GPC3: variants seen among roughly 807,000 people sequenced by gnomAD.
GPC3 encodes the protein glypican 3.
A neutral mutation model predicts 34.4 loss-of-function variants in GPC3; 3 were observed. That is an observed-to-expected ratio of 0.09 (90% CI 0.04 to 0.23). The LOEUF (loss-of-function observed/expected upper bound fraction) is 0.23. Ranked by LOEUF, GPC3 falls within the 10% of genes least tolerant of loss-of-function variation. The pLI is 1.00. For missense variants in GPC3, 351 were observed against 445.6 expected (o/e 0.79, Z 1.91); for synonymous variants, 177 against 174.0 (o/e 1.02, Z -0.13).
chrX:133,536,841 T>C (rs887816828), intron 7 of GPC3, among the ~76,000 whole-genome samples: 7 of 111,185 alleles, frequency 6.3e-5, no homozygotes, highest in Non-Finnish European at 9.4e-5. Flanking sequence ...GGGTTGAGGA[T>C]AGGTAGTTTG....
At chrX:133,757,423 G>C (rs2071736753) in intron 2 of GPC3, among the ~76,000 whole-genome samples, 1 of 111,220 alleles carries the variant, frequency 9.0e-6, no homozygotes, top group Non-Finnish European at 1.9e-5. Flanking sequence ...TCTTTAAATG[G>C]TTCAATAACT....
chrX:133,971,103 A>T (rs1407224963), intron 1 of GPC3, among the ~76,000 whole-genome samples: 1 of 112,180 alleles, frequency 8.9e-6, no homozygotes, highest in Non-Finnish European at 1.9e-5. Flanking sequence ...GGGCTCCCTT[A>T]TCTTCAGAAA....
chrX:133,759,708 A>T (rs771460108), intron 2 of GPC3, among the ~76,000 whole-genome samples: 62 of 112,227 alleles, frequency 5.5e-4, no homozygotes, highest in Non-Finnish European at 9.4e-4. Flanking sequence ...TTTAGCAGTA[A>T]GTTTTTAGAT....
rs779048016 is a variant in GPC3 at position 133,621,307 on chromosome X, G to A, written c.1414-24708C>T. Among the ~76,000 whole-genome samples the A allele has an allele frequency of 7.2e-5, 8 of 111,718 alleles. No individual in the cohort carries two copies. The South Asian group carries it at 1.5e-3, about 21-fold the overall frequency. On this transcript the variant is annotated intron_variant, in intron 6 of 7. Transcript: ENST00000370818. Reference sequence around the variant, plus strand: ...CGGGTTCATCTCACTGGGGCTTTTCGGACAGTGGTTGCAGTCCACGGAGCG... The same window carrying A: ...CGGGTTCATCTCACTGGGGCTTTTCAGACAGTGGTTGCAGTCCACGGAGCG...
At chrX:133,637,932 C>G (rs915684781) in intron 6 of GPC3, among the ~76,000 whole-genome samples, 1 of 111,527 alleles carries the variant, frequency 9.0e-6, no homozygotes, top group African/African-American at 3.3e-5. Flanking sequence ...TGTGAGCCAC[C>G]GTGCCTGGTC....
At chrX:133,711,090 C>G (rs73559392) in intron 3 of GPC3, among the ~76,000 whole-genome samples, 2,898 of 111,790 alleles carry the variant, frequency 0.026, 91 homozygotes, top group African/African-American at 0.088. Context: ...CCAGAAGAAA[C>G]CAAATAATTT....
intron 2 of GPC3, among the ~76,000 whole-genome samples, chrX:133,776,476 T>C (rs2071981954): frequency 8.9e-6 from 1 of 112,104 alleles, no homozygotes; most frequent in Non-Finnish European, 1.9e-5. Context: ...AAAATGTACC[T>C]ACCTATACAG....
intron 5 of GPC3, among the ~76,000 whole-genome samples, chrX:133,682,175 G>A (rs2070950999): frequency 9.0e-6 from 1 of 111,272 alleles, no homozygotes; most frequent in East Asian, 2.8e-4. Context: ...CTTAAACCCA[G>A]GAGTTCCAGA....
chrX:133,662,006 TA>T (rs369016271), intron 5 of GPC3, among the ~76,000 whole-genome samples, 156 bp from the exon 6 acceptor site: 3 of 109,866 alleles, frequency 2.7e-5, no homozygotes, highest in Non-Finnish European at 3.8e-5. Flanking sequence ...CTATTTACAG[TA>T]AAAAAAAATT....
intron 2 of GPC3, among the ~76,000 whole-genome samples, chrX:133,886,056 T>C (rs1288411885): frequency 1.8e-5 from 2 of 111,644 alleles, no homozygotes; most frequent in African/African-American, 6.5e-5. Flanking sequence ...CCATGAAATA[T>C]GCTACACATA....
intron 2 of GPC3, among the ~76,000 whole-genome samples, chrX:133,815,434 C>T (rs945401814): frequency 1.8e-5 from 2 of 109,947 alleles, no homozygotes; most frequent in Non-Finnish European, 3.8e-5. Context: ...CAGTAGAGCA[C>T]TAGTTTCATT....
At chrX:133,769,271 A>C (rs2071887867) in intron 2 of GPC3, among the ~76,000 whole-genome samples, 1 of 112,109 alleles carries the variant, frequency 8.9e-6, no homozygotes, top group Admixed American at 9.5e-5. Flanking sequence ...AATTGGTACA[A>C]AGTTTCAGTT....
intron 1 of GPC3, among the ~76,000 whole-genome samples, chrX:133,964,527 T>C (rs1434553532): frequency 8.9e-6 from 1 of 112,294 alleles, no homozygotes; most frequent in Non-Finnish European, 1.9e-5. Context: ...GTGAAATGGC[T>C]TAACCAAAGT....
At chrX:133,627,226 A>G (rs909294568) in intron 6 of GPC3, among the ~76,000 whole-genome samples, 4 of 106,998 alleles carry the variant, frequency 3.7e-5, no homozygotes, top group African/African-American at 1.4e-4. Context: ...TGACGAGTCA[A>G]TGGGTGCAGC....
intron 6 of GPC3, among the ~76,000 whole-genome samples, chrX:133,655,562 T>C (rs758439132): frequency 3.2e-4 from 36 of 110,787 alleles, no homozygotes; most frequent in Non-Finnish European, 6.4e-4. Flanking sequence ...TGGCAATTAC[T>C]AGAGTTCTGC....
At chrX:133,901,426 ATTAT>A (rs2076143393) in intron 2 of GPC3, among the ~76,000 whole-genome samples, 1 of 110,843 alleles carries the variant, frequency 9.0e-6, no homozygotes, top group Non-Finnish European at 1.9e-5. Flanking sequence ...TTTTATTATT[ATTAT>A]TATTTCATTT....
chrX:133,790,476 G>A (rs1377556117), intron 2 of GPC3, among the ~76,000 whole-genome samples: 1 of 111,380 alleles, frequency 9.0e-6, no homozygotes, highest in Non-Finnish European at 1.9e-5. Flanking sequence ...CTGTGTTGGG[G>A]GGAGACCGAA....
chrX:133,863,805 G>A (rs58249300), intron 2 of GPC3, among the ~76,000 whole-genome samples: 2,055 of 102,965 alleles, frequency 0.02, 56 homozygotes, highest in African/African-American at 0.072. Context: ...ACAGGCGCCC[G>A]CCACCGCGCC....
rs192622250 is a variant in GPC3, at chrX:133,581,782, C to T, written c.1573+14658G>A. Among the ~76,000 whole-genome samples, 9 of 112,227 alleles carry T rather than the reference C, an allele frequency of 8.0e-5. No homozygotes were observed. The East Asian group carries it at 2.2e-3, about 28-fold the overall frequency. ...TAACACTATTATTATTAGTGTTCCACTCCAATGGAGTCAGAACTTCACTCC... is the reference window on the plus strand; with the variant it reads ...TAACACTATTATTATTAGTGTTCCATTCCAATGGAGTCAGAACTTCACTCC... On this transcript the variant is annotated intron_variant, in intron 7 of 7. Transcript: ENST00000370818.
Sources: allele counts gnomAD v4.1 joint callset (sites outside exome capture counted in the v4.1 genomes callset), GRCh38; gene constraint gnomAD v4.1.1; transcripts MANE v1.5; gene names NCBI Gene and HGNC (gene_info 2026-07-23, HGNC 2026-07-21).